Variants in HEATR4 observed in about 807,000 individuals in gnomAD.
HEATR4 encodes HEAT repeat-containing protein 4.
In HEATR4, 95 loss-of-function variants were observed where a neutral mutation model predicts 108.8. That is an observed-to-expected ratio of 0.87 (90% CI 0.74 to 1.04). The LOEUF is 1.04. HEATR4 is among the 50% of genes least tolerant of loss of function. The probability of loss-of-function intolerance (pLI) is 0.00; values close to 1 mark genes in which losing one functional copy is unlikely to be tolerated. For synonymous variants in HEATR4, 443 were observed against 459.4 expected (o/e 0.96, Z 0.46); for missense variants, 1,152 against 1,253.8 (o/e 0.92, Z 1.23).
intron 16 of HEATR4, 103 bp from the exon 17 acceptor site, chr14:73,493,227 G>T: frequency 1.1e-6 from 1 of 884,666 alleles, no homozygotes; most frequent in Non-Finnish European, 1.8e-6. Flanking sequence ...TCAGTGTACT[G>T]GGTAACACTG....
At chr14:73,608,657 C>A in the HEATR4 span, among the ~76,000 whole-genome samples, 1 of 152,098 alleles carries the variant, frequency 6.6e-6, no homozygotes, top group Non-Finnish European at 1.5e-5. Context: ...CTGCCTGTTA[C>A]CCAGTTCCAA....
chr14:73,612,614 T>C, the HEATR4 span: 55 of 1,421,054 alleles, frequency 3.9e-5, no homozygotes, highest in Non-Finnish European at 4.7e-5. Flanking sequence ...CCGCTGCTGC[T>C]GGGACGAGCC....
At chr14:73,612,578 G>T in the HEATR4 span, 155 of 1,399,990 alleles carry the variant, frequency 1.1e-4, no homozygotes, top group African/African-American at 2.0e-3. Context: ...TGGGATGGCA[G>T]CGACGCTGAT....
At chr14:73,595,267 G>A in the HEATR4 span, 1 of 1,614,152 alleles carries the variant, frequency 6.2e-7, no homozygotes, top group Admixed American at 1.7e-5. Context: ...TGGACATTGT[G>A]GATATAAGGA....
the HEATR4 span, among the ~76,000 whole-genome samples, chr14:73,612,297 C>T: frequency 6.6e-6 from 1 of 152,202 alleles, no homozygotes; most frequent in Non-Finnish European, 1.5e-5. Flanking sequence ...CCACCTCGGC[C>T]TCCCAAAGTT....
At chr14:73,560,046 A>T (rs1232540196), upstream of HEATR4, among the ~76,000 whole-genome samples, 1 of 151,970 alleles carries the variant, frequency 6.6e-6, no homozygotes, top group Non-Finnish European at 1.5e-5. Flanking sequence ...TTACAAGGAG[A>T]CTCTTCAATC....
the HEATR4 span, chr14:73,592,543 G>A: frequency 1.7e-6 from 2 of 1,174,416 alleles, no homozygotes; most frequent in Non-Finnish European, 2.3e-6. Flanking sequence ...CTATGTCAGT[G>A]GCCACTCTAC....
intron 17 of HEATR4, 48 bp downstream of exon 17, chr14:73,493,018 T>C: frequency 9.1e-6 from 12 of 1,315,146 alleles, no homozygotes; most frequent in Non-Finnish European, 1.3e-5. Context: ...TTTTTTTTCC[T>C]TAAACTCACG....
chr14:73,503,812 A>T (rs1595101224), intron 10 of HEATR4, among the ~76,000 whole-genome samples: 1 of 152,120 alleles, frequency 6.6e-6, no homozygotes, highest in East Asian at 1.9e-4. Context: ...AGTGCGTCGG[A>T]TGTGGTCAGA....
chr14:73,500,679 C>G lies in HEATR4; in HGVS notation c.2157G>C (p.Leu719=), dbSNP rs757798640. 13 of 1,614,054 alleles carry G rather than the reference C, an allele frequency of 8.1e-6. No individual in the cohort carries two copies. The highest frequency in any genetic ancestry group is 1.6e-4 in the Middle Eastern group (1 of 6,078). ...CGGTCATAAGCTTGAGCTCACCTAT[C>G]AGGTAGAGAGCTTCCACACGCTCCT... The part of the protein sequence containing the change: ...NSQERVEALY[L]IGELKLMTAK... The change falls in exon 12 of 18, where the codon CTG becomes CTC. Residue 719 remains leucine, a synonymous_variant. Transcript: ENST00000553558.
At chr14:73,503,174 G>A (rs545441463) in intron 10 of HEATR4, among the ~76,000 whole-genome samples, 161 bp from the exon 11 acceptor site, 1 of 152,240 alleles carries the variant, frequency 6.6e-6, no homozygotes, top group South Asian at 2.1e-4. Flanking sequence ...ATCCAGTGGG[G>A]CAGATATTAC....
chr14:73,549,256 T>G (rs556909931), intron 1 of HEATR4, among the ~76,000 whole-genome samples: 1 of 113,194 alleles, frequency 8.8e-6, no homozygotes, highest in African/African-American at 2.9e-5. Context: ...AAATGCCTCG[T>G]GATGTGTGTG....
At chr14:73,598,662 T>C in the HEATR4 span, among the ~76,000 whole-genome samples, 1 of 151,470 alleles carries the variant, frequency 6.6e-6, no homozygotes, top group Admixed American at 6.6e-5. Flanking sequence ...AGGTCTAGAG[T>C]TTGAGACCAG....
At chr14:73,527,073 G>C (rs2140302193) in intron 2 of HEATR4, among the ~76,000 whole-genome samples, 1 of 152,168 alleles carries the variant, frequency 6.6e-6, no homozygotes, top group African/African-American at 2.4e-5. Context: ...CAGTTGCAGG[G>C]GTCATAGGCT....
chr14:73,490,995 G>T (rs1347513834), intron 17 of HEATR4: 6 of 1,357,032 alleles, frequency 4.4e-6, no homozygotes, highest in South Asian at 2.0e-5. Flanking sequence ...CGGCCGGGCG[G>T]GGAAGACTGG....
chr14:73,591,828 C>T, the HEATR4 span: 1 of 877,748 alleles, frequency 1.1e-6, no homozygotes, highest in Non-Finnish European at 1.6e-6. Context: ...CAGGGGCTTT[C>T]TGGGACTGCT....
rs1885808225 is a variant in HEATR4 at position 73,492,130 on chromosome 14, G to A, written c.2844+936C>T. On this transcript the variant is annotated intron_variant, in intron 17 of 17. Transcript: ENST00000553558. The surrounding 1 kb of genome is among the most constrained non-coding windows in gnomAD (Gnocchi z 4.9). ...GAGTCCCAACCGAGGAACTGGCTCTGACATCCAGCCCCAACTTCAGTCAGG... is the reference window on the plus strand; with the variant it reads ...GAGTCCCAACCGAGGAACTGGCTCTAACATCCAGCCCCAACTTCAGTCAGG... 2.5e-6 allele frequency: 4 copies of A among 1,613,812 alleles called. No homozygotes were observed. In the South Asian group the frequency reaches 3.3e-5, roughly 13 times the overall value.
intron 10 of HEATR4, among the ~76,000 whole-genome samples, chr14:73,506,052 T>C (rs573960097): frequency 2.4e-4 from 36 of 151,970 alleles, no homozygotes; most frequent in African/African-American, 7.7e-4. Context: ...CACCACACTC[T>C]GCTAATTTTT....
the HEATR4 span, among the ~76,000 whole-genome samples, chr14:73,583,239 G>A: frequency 6.6e-6 from 1 of 151,728 alleles, no homozygotes; most frequent in South Asian, 2.1e-4. Flanking sequence ...CTACTTGGAG[G>A]TTGAGAGGCT....
Sources: gnomAD v4.1 joint callset for allele counts (sites outside exome capture counted in the v4.1 genomes callset) on GRCh38, gnomAD v4.1.1 for gene constraint, Gnocchi (gnomAD v3.1) non-coding constraint, MANE v1.5 for transcripts, NCBI Gene and HGNC (gene_info 2026-07-23, HGNC 2026-07-21) for gene names.